The following GON4L variants were observed in gnomAD, a reference collection of about 807,000 sequenced individuals.
GON4L encodes GON-4-like protein.
In GON4L, 87 loss-of-function variants were observed where a neutral mutation model predicts 211.8. The ratio of observed to expected loss-of-function variants is 0.41; its 90% confidence interval spans 0.35 to 0.49. The LOEUF (loss-of-function observed/expected upper bound fraction) is 0.49. Ranked by LOEUF, GON4L falls within the 20% of genes least tolerant of loss-of-function variation. The pLI, the probability that GON4L is intolerant of heterozygous loss-of-function variation, is 0.15. For synonymous variants in GON4L, 875 were observed against 962.6 expected (o/e 0.91, Z 1.68); for missense variants, 2,155 against 2,659.5 (o/e 0.81, Z 4.17).
At chr1:155,752,730 C>G in intron 29 of GON4L, 140 bp from the exon 30 acceptor site, 3 of 1,348,478 alleles carry the variant, frequency 2.2e-6, no homozygotes, top group Non-Finnish European at 3.1e-6. Context: ...CTATAATGTC[C>G]GCACTTTGGG....
At chr1:155,830,910 T>C (rs1262374794) in intron 2 of GON4L, among the ~76,000 whole-genome samples, 2 of 152,132 alleles carry the variant, frequency 1.3e-5, no homozygotes, top group African/African-American at 4.8e-5. Context: ...GTAGTAAAAA[T>C]GTCAGTGGAA....
Position 155,847,815 on chromosome 1 carries a change from G to A in GON4L, c.505+5461C>T, listed in dbSNP as rs547091870. ...CTTGAACCCAGGAGGCGGGGGTTGC[G>A]GTGAGCCAAGATCGTGCCACTACAC... On this transcript the variant is annotated intron_variant, in intron 2 of 31. Coordinates refer to ENST00000368331, the MANE Select transcript of GON4L (RefSeq NM_001282860.2). 9.9e-5 allele frequency among the ~76,000 whole-genome samples: 15 copies of A among 151,938 alleles called. No individual in the cohort carries two copies. The South Asian group carries it at 2.3e-3, about 23-fold the overall frequency.
At chr1:155,774,963 C>T (rs754126553) in intron 17 of GON4L, 39 bp downstream of exon 17, 80 of 1,602,838 alleles carry the variant, frequency 5.0e-5, no homozygotes, top group East Asian at 3.1e-4. Flanking sequence ...CACCTCTCAC[C>T]GCAAGTAAAA....
chr1:155,851,468 C>T (rs2102493943), intron 2 of GON4L, among the ~76,000 whole-genome samples: 1 of 152,088 alleles, frequency 6.6e-6, no homozygotes, highest in Admixed American at 6.6e-5. Flanking sequence ...GTAATCCCAG[C>T]ACTTTGGGAG....
intron 22 of GON4L, 123 bp downstream of exon 22, chr1:155,763,189 A>C (rs1314360475): frequency 1.2e-6 from 1 of 808,838 alleles, no homozygotes; most frequent in Non-Finnish European, 2.0e-6. Context: ...GTTGCAGAAG[A>C]GATCCAGAGG....
At chr1:155,846,185 C>G (rs934668776) in intron 2 of GON4L, 23 of 230,670 alleles carry the variant, frequency 1.0e-4, no homozygotes, top group Admixed American at 9.1e-4. Flanking sequence ...CCTACACAAC[C>G]TCATCAACAA....
At chr1:155,858,026 C>T (rs1672418922), upstream of GON4L, among the ~76,000 whole-genome samples, 1 of 152,158 alleles carries the variant, frequency 6.6e-6, no homozygotes, top group South Asian at 2.1e-4. Flanking sequence ...TCTGGCTCAT[C>T]TGAGTAGGTG....
At position 155,754,460 on chromosome 1, in the gene GON4L, T is replaced by C. The variant is rs1277085046; in HGVS notation, c.5546A>G (p.Asp1849Gly). 1 of 1,612,128 alleles carries C rather than the reference T, an allele frequency of 6.2e-7. No homozygotes were observed. Among genetic ancestry groups the C allele is most frequent in the South Asian group, 1.1e-5 (1 of 91,038 alleles). The change falls in exon 28 of 32, where the codon GAC becomes GGC. Residue 1849 changes from aspartate to glycine, a missense_variant. By Grantham distance (94) the Asp-to-Gly change is moderately conservative. Transcript: ENST00000368331. ...KETEWPDGAK[D>G]CACSCHEGGP... ...TCCTTCATGGCAGGAGCAGGCACAG[T>C]CCTTGGCCCCATCTGGCCATTCAGT...
chr1:155,796,716 G>C (rs1227450761), intron 11 of GON4L, among the ~76,000 whole-genome samples: 1 of 151,882 alleles, frequency 6.6e-6, no homozygotes, highest in Non-Finnish European at 1.5e-5. Context: ...TTGTCTAACA[G>C]AACTTTCTGT....
At chr1:155,814,515 T>G in intron 8 of GON4L, 66 bp from the exon 9 acceptor site, 2 of 1,488,794 alleles carry the variant, frequency 1.3e-6, no homozygotes, top group African/African-American at 1.4e-5. Context: ...GTCTGAAGTA[T>G]CTCAAGAGAA....
chr1:155,790,667 C>T (rs182481559), intron 12 of GON4L, among the ~76,000 whole-genome samples: 41 of 151,902 alleles, frequency 2.7e-4, no homozygotes, highest in African/African-American at 5.8e-4. Flanking sequence ...AAAGTTTGGC[C>T]GGGCACAGTG....
intron 6 of GON4L, 71 bp from the exon 7 acceptor site, chr1:155,816,333 G>T (rs975356323): frequency 1.3e-6 from 1 of 762,354 alleles, no homozygotes; most frequent in East Asian, 2.6e-5. Context: ...TACTTCCTCT[G>T]TACCATCACT....
In GON4L at chr1:155,775,185, G is replaced by C. The variant is rs397834116; in HGVS notation, c.2179-12C>G. On this transcript the variant is annotated splice_polypyrimidine_tract_variant and intron_variant, in intron 16 of 31. Coordinates refer to ENST00000368331, the MANE Select transcript of GON4L (RefSeq NM_001282860.2). Reference sequence around the variant, plus strand: ...GTTCCCAGCTCTTTCTGGGAAAACAGGACACAAGAAAGATTTAAGACAATT... The same window carrying C: ...GTTCCCAGCTCTTTCTGGGAAAACACGACACAAGAAAGATTTAAGACAATT... 2.5e-5 allele frequency: 40 copies of C among 1,614,088 alleles called. No individual in the cohort carries two copies. Among genetic ancestry groups the C allele is most frequent in the African/African-American group, 2.0e-4 (15 of 75,022 alleles).
intron 17 of GON4L, chr1:155,773,481 C>G (rs1663424885): frequency 2.2e-6 from 1 of 462,448 alleles, no homozygotes; most frequent in Non-Finnish European, 3.9e-6. Flanking sequence ...TAAAAAGCAC[C>G]TAGTAAAATA....
intron 6 of GON4L, among the ~76,000 whole-genome samples, chr1:155,818,839 A>G (rs970784947): frequency 1.3e-5 from 2 of 151,958 alleles, no homozygotes; most frequent in Admixed American, 1.3e-4. Flanking sequence ...CTCTACTAAA[A>G]CTACAAAAAT....
chr1:155,813,840 G>T (rs771063244), intron 9 of GON4L, 36 bp from the exon 10 acceptor site: 1 of 1,588,522 alleles, frequency 6.3e-7, no homozygotes, highest in Admixed American at 1.7e-5. Flanking sequence ...AAAAAGGAAG[G>T]AGGTAAGAAA....
intron 6 of GON4L, among the ~76,000 whole-genome samples, chr1:155,817,911 G>C (rs1004273291): frequency 1.5e-5 from 2 of 132,496 alleles, no homozygotes; most frequent in African/African-American, 5.7e-5. Flanking sequence ...CTGAGCAACA[G>C]AGCAAGTCAC....
At chr1:155,768,639 C>T (rs1159115994) in intron 19 of GON4L, among the ~76,000 whole-genome samples, 1 of 151,686 alleles carries the variant, frequency 6.6e-6, no homozygotes, top group Non-Finnish European at 1.5e-5. Context: ...TGAGACAGGT[C>T]TCACTTTTTT....
chr1:155,851,716 A>C (rs190850765), intron 2 of GON4L, among the ~76,000 whole-genome samples: 75 of 130,918 alleles, frequency 5.7e-4, no homozygotes, highest in Non-Finnish European at 1.3e-4. Flanking sequence ...ACTCCGTATC[A>C]AAAAAAAAAT....
Sources: allele counts gnomAD v4.1 joint callset (sites outside exome capture counted in the v4.1 genomes callset), GRCh38; gene constraint gnomAD v4.1.1; transcripts MANE v1.5; gene names NCBI Gene and HGNC (gene_info 2026-07-23, HGNC 2026-07-21).